The following MORC1 variants were observed in gnomAD, a reference collection of about 807,000 sequenced individuals.
MORC1 encodes the protein MORC family CW-type zinc finger 1.
Under a neutral mutation model 134.9 loss-of-function variants are expected in MORC1, and 59 were observed. The observed-to-expected ratio is 0.44, with a 90% confidence interval of 0.35 to 0.54. The LOEUF is 0.54. MORC1 is among the 20% of genes least tolerant of loss of function. The probability of loss-of-function intolerance (pLI) is 0.00; values close to 1 mark genes in which losing one functional copy is unlikely to be tolerated. For synonymous variants in MORC1, 395 were observed against 391.7 expected (o/e 1.01, Z -0.10); for missense variants, 947 against 1,134.5 (o/e 0.83, Z 2.37).
intron 16 of MORC1, 69 bp from the exon 17 acceptor site, chr3:109,027,958 G>C: frequency 6.7e-7 from 1 of 1,490,606 alleles, no homozygotes; most frequent in Non-Finnish European, 9.1e-7. Context: ...TGTAAAAGAC[G>C]ATTTACTTCT....
intron 9 of MORC1, 21 bp downstream of exon 9, chr3:109,069,611 A>G: frequency 6.5e-7 from 1 of 1,550,052 alleles, no homozygotes. Flanking sequence ...CTGTGAAGAT[A>G]ACTGAAGAAA....
intron 8 of MORC1, among the ~76,000 whole-genome samples, chr3:109,091,743 G>A (rs1950734523): frequency 6.6e-6 from 1 of 152,074 alleles, no homozygotes; most frequent in Non-Finnish European, 1.5e-5. Flanking sequence ...TCCTAGCCCT[G>A]TCTTTAAAGG....
chr3:109,095,980 A>T (rs1950824635), intron 6 of MORC1, among the ~76,000 whole-genome samples: 1 of 152,218 alleles, frequency 6.6e-6, no homozygotes, highest in Non-Finnish European at 1.5e-5. Flanking sequence ...AAAGCCTCTA[A>T]TATGATAATA....
chr3:109,050,925 A>G (rs1393730138), intron 14 of MORC1, among the ~76,000 whole-genome samples: 1 of 152,184 alleles, frequency 6.6e-6, no homozygotes, highest in African/African-American at 2.4e-5. Flanking sequence ...GGGAAACATC[A>G]GCTCAATTCT....
At chr3:109,014,220 C>T (rs1158275800) in intron 17 of MORC1, among the ~76,000 whole-genome samples, 1 of 152,136 alleles carries the variant, frequency 6.6e-6, no homozygotes, top group Non-Finnish European at 1.5e-5. Context: ...CTTTACCTAC[C>T]TTTATCATTG....
intron 15 of MORC1, 96 bp downstream of exon 15, chr3:109,035,244 T>C: frequency 8.6e-7 from 1 of 1,168,762 alleles, no homozygotes. Flanking sequence ...CAAGATGTCT[T>C]ACCTTTGTCT....
intron 8 of MORC1, among the ~76,000 whole-genome samples, chr3:109,070,446 CT>C (rs1038525068): frequency 6.6e-6 from 1 of 152,164 alleles, no homozygotes; most frequent in African/African-American, 2.4e-5. Context: ...TCATTGTATA[CT>C]TATAACTCCA....
chr3:108,976,998 G>GA (rs1947582033), intron 24 of MORC1, among the ~76,000 whole-genome samples: 1 of 152,112 alleles, frequency 6.6e-6, no homozygotes, highest in African/African-American at 2.4e-5. Flanking sequence ...TAATGAATTT[G>GA]AAAAAGAAAG....
chr3:108,993,994 C>G (rs994017596), intron 21 of MORC1, among the ~76,000 whole-genome samples: 2 of 152,104 alleles, frequency 1.3e-5, no homozygotes, highest in African/African-American at 4.8e-5. Context: ...CATGAAGGCC[C>G]TGGTAATGAT....
chr3:109,035,323 T>C lies in MORC1; in HGVS notation c.1459+17A>G. 11 of 1,573,000 alleles carry C rather than the reference T, an allele frequency of 7.0e-6. No homozygotes were observed. Among genetic ancestry groups the C allele is most frequent in the South Asian group, 2.4e-5 (2 of 82,714 alleles). On this transcript the variant is annotated intron_variant, in intron 15 of 27. Transcript: ENST00000232603. ...AGCCCTTAACATTTGGTAATTATAA[T>C]GGACTTCAACACTCACCACATTGTA...
chr3:109,055,803 A>C (rs1949945243), intron 13 of MORC1, among the ~76,000 whole-genome samples: 1 of 152,204 alleles, frequency 6.6e-6, no homozygotes. Flanking sequence ...GAAGCTAATA[A>C]ACAGATAAAT....
At chr3:108,972,924 G>A (rs961174038) in intron 24 of MORC1, among the ~76,000 whole-genome samples, 17 of 152,240 alleles carry the variant, frequency 1.1e-4, no homozygotes, top group African/African-American at 3.9e-4. Flanking sequence ...ACTAGGGAAG[G>A]GGAAAAACCA....
chr3:109,062,456 T>C (rs777368438), intron 10 of MORC1, among the ~76,000 whole-genome samples: 2 of 150,852 alleles, frequency 1.3e-5, no homozygotes, highest in Non-Finnish European at 1.5e-5. Flanking sequence ...AGTCTCGCTC[T>C]ATCACCCAGG....
intron 14 of MORC1, among the ~76,000 whole-genome samples, chr3:109,049,710 C>T (rs1257402394): frequency 6.6e-6 from 1 of 152,054 alleles, no homozygotes; most frequent in Non-Finnish European, 1.5e-5. Flanking sequence ...TTGTTAAAAA[C>T]TTTAATGGTA....
rs1419523807 is a variant in MORC1 at position 109,080,846 on chromosome 3, G to C, written c.690-11089C>G. Among the ~76,000 whole-genome samples, 4 of 152,100 alleles carry C rather than the reference G, an allele frequency of 2.6e-5. No homozygotes were observed. In the East Asian group the frequency reaches 7.7e-4, roughly 29 times the overall value. ...GGCTGTAGCAATTAAGTTCTAATGGGGCAGGAAGTGAAAAATATATCAATG... is the reference window on the plus strand; with the variant it reads ...GGCTGTAGCAATTAAGTTCTAATGGCGCAGGAAGTGAAAAATATATCAATG... On this transcript the variant is annotated intron_variant, in intron 8 of 27. Transcript: ENST00000232603.
intron 23 of MORC1, among the ~76,000 whole-genome samples, chr3:108,982,622 C>T (rs868336092): frequency 9.3e-5 from 14 of 150,800 alleles, no homozygotes; most frequent in African/African-American, 2.7e-4. Flanking sequence ...GGAGAAATAC[C>T]TAACATAAAT....
Position 108,959,135 on chromosome 3 carries a change from C to T in MORC1, c.2800-15G>A, listed in dbSNP as rs747579539. ...TCTGGACCACCCTGGAAAAGAGAAG[C>T]AACAGTCACACCAGGGAAAGAAGCT... is the stretch of plus-strand genomic sequence containing the variant. On this transcript the variant is annotated splice_polypyrimidine_tract_variant and intron_variant, in intron 27 of 27. Coordinates refer to ENST00000232603, the MANE Select transcript of MORC1 (RefSeq NM_014429.4). 5.1e-6 allele frequency: 8 copies of T among 1,568,844 alleles called. No homozygotes were observed. In the African/African-American group the frequency reaches 1.1e-4, roughly 22 times the overall value.
intron 8 of MORC1, 39 bp downstream of exon 8, chr3:109,093,397 C>T: frequency 1.3e-6 from 2 of 1,510,940 alleles, no homozygotes; most frequent in Non-Finnish European, 1.8e-6. Context: ...TCTAGCTCAC[C>T]ACCATTGTTG....
chr3:109,071,786 C>T (rs1348049504), intron 8 of MORC1, among the ~76,000 whole-genome samples: 4 of 152,130 alleles, frequency 2.6e-5, no homozygotes, highest in Non-Finnish European at 5.9e-5. Context: ...CAGCATGTAG[C>T]GAAGTTCCAG....
Sources: allele counts gnomAD v4.1 joint callset (sites outside exome capture counted in the v4.1 genomes callset), GRCh38; gene constraint gnomAD v4.1.1; transcripts MANE v1.5; gene names NCBI Gene and HGNC (gene_info 2026-07-23, HGNC 2026-07-21).